Variants in TNRC6C observed in about 807,000 individuals in gnomAD.
The protein encoded by TNRC6C is trinucleotide repeat containing adaptor 6C.
A neutral mutation model predicts 153.7 loss-of-function variants in TNRC6C; 20 were observed. The observed-to-expected ratio is 0.13, with a 90% CI of 0.09 to 0.19. The LOEUF is 0.19. TNRC6C is among the 10% of genes least tolerant of loss of function. TNRC6C has a pLI of 1.00. For synonymous variants in TNRC6C, 811 were observed against 841.4 expected, an observed-to-expected ratio of 0.96 and a Z score of 0.63; for missense variants, 1,987 against 2,172.0, an observed-to-expected ratio of 0.91 and a Z score of 1.69.
At chr17:78,105,965 A>G (rs1175804362) in exon 20 of TNRC6C, 1 of 151,900 alleles carries the variant, frequency 6.6e-6, no homozygotes, top group African/African-American at 2.4e-5. Context: ...ATGTATACCT[A>G]CCTTTAGCAG....
chr17:77,995,579 C>T (rs2071315582), intron 1 of TNRC6C, among the ~76,000 whole-genome samples: 1 of 152,148 alleles, frequency 6.6e-6, no homozygotes, highest in Non-Finnish European at 1.5e-5. Flanking sequence ...AATACATATT[C>T]CTAAGATTTC....
Position 78,010,173 on chromosome 17 carries a change from C to T in TNRC6C, c.-546+5094C>T, listed in dbSNP as rs529272664. ...TACAGGCTTGAGCCACCAGCTCAGCCCAAATTCGTACATTTAATTAGTATC... is the reference window on the plus strand; with the variant it reads ...TACAGGCTTGAGCCACCAGCTCAGCTCAAATTCGTACATTTAATTAGTATC... On this transcript the variant is annotated intron_variant, in intron 1 of 19. Coordinates refer to ENST00000301624, the Ensembl canonical transcript of TNRC6C. Among the ~76,000 whole-genome samples the T allele has an allele frequency of 5.3e-5, 8 of 152,316 alleles. No individual in the cohort carries two copies. In the East Asian group the frequency reaches 1.5e-3, roughly 29 times the overall value.
At chr17:78,080,804 C>T (rs2073166798) in intron 10 of TNRC6C, among the ~76,000 whole-genome samples, 1 of 152,122 alleles carries the variant, frequency 6.6e-6, no homozygotes, top group Admixed American at 6.5e-5. Context: ...GAAAAAACTG[C>T]TTTCTTCCCC....
chr17:78,081,643 A>T (rs2073182450), intron 10 of TNRC6C, among the ~76,000 whole-genome samples: 1 of 152,164 alleles, frequency 6.6e-6, no homozygotes, highest in Non-Finnish European at 1.5e-5. Context: ...ACTTCCCAGG[A>T]ACAGGGGAAA....
chr17:78,067,273 G>C (rs2072900359), intron 4 of TNRC6C, among the ~76,000 whole-genome samples: 1 of 152,156 alleles, frequency 6.6e-6, no homozygotes, highest in South Asian at 2.1e-4. Flanking sequence ...TTGAGCCCAG[G>C]AGTTTGAGGT....
chr17:77,969,529 C>T (rs1032574820), intron 1 of TNRC6C, among the ~76,000 whole-genome samples: 2 of 152,224 alleles, frequency 1.3e-5, no homozygotes, highest in East Asian at 1.9e-4. Flanking sequence ...GGATTACAGG[C>T]GTGAGTCACC....
At chr17:78,091,351 A>G in intron 13 of TNRC6C, 89 bp from the exon 16 acceptor site, 1 of 1,348,722 alleles carries the variant, frequency 7.4e-7, no homozygotes, top group Non-Finnish European at 9.6e-7. Context: ...ATTTGCTGTA[A>G]GCGAAGACTG....
At chr17:77,957,678 C>A (rs925267607), upstream of TNRC6C, among the ~76,000 whole-genome samples, 4 of 152,232 alleles carry the variant, frequency 2.6e-5, no homozygotes, top group African/African-American at 9.6e-5. Context: ...CCTGCTTCTG[C>A]GACCTTGCAT....
chr17:78,049,771 A>G lies in TNRC6C; in HGVS notation c.709A>G (p.Ser237Gly). The G allele has an allele frequency of 6.3e-7, 1 of 1,590,910 alleles. No individual in the cohort carries two copies. The highest frequency in any genetic ancestry group is 8.6e-7 in the Non-Finnish European group (1 of 1,166,676). ...TAATGGATCATCAGTTTCTCAAGTC[A>G]GTGGGGGCAGTGCTGAAGGAATAAG... The change falls in exon 3 of 20, where the codon AGT becomes GGT. Residue 237 changes from serine to glycine, a missense_variant. Physicochemically the swap from Ser to Gly is moderately conservative, Grantham distance 56. Around this residue, in one of 4 missense-constraint regions of TNRC6C, gnomAD observed 1,052 missense variants for 1,017.0 expected, o/e 1.03. Transcript: ENST00000301624. This position sits in a 1 kb window ranked among gnomAD's most constrained non-coding sequence, Gnocchi z 4.1.
intron 1 of TNRC6C, among the ~76,000 whole-genome samples, chr17:77,959,659 T>G (rs554894218): frequency 2.0e-5 from 3 of 152,054 alleles, no homozygotes; most frequent in Admixed American, 2.0e-4. Flanking sequence ...AGGAGCCCGG[T>G]GCCGTTGTTT....
At chr17:78,105,787 T>G (rs1015083772) in exon 20 of TNRC6C, 1 of 152,216 alleles carries the variant, frequency 6.6e-6, no homozygotes, top group Non-Finnish European at 1.5e-5. Context: ...ACGGTTGTTA[T>G]TATTAGCTTC....
At chr17:78,087,762 A>G (rs776164413) in intron 13 of TNRC6C, among the ~76,000 whole-genome samples, 16 of 152,180 alleles carry the variant, frequency 1.1e-4, no homozygotes, top group Non-Finnish European at 2.2e-4. Flanking sequence ...CCAAATCAAC[A>G]TATATATGTT....
chr17:78,049,896 T>G lies in TNRC6C; in HGVS notation c.834T>G (p.Ser278Arg). ...GAGACACTGTGAACTCAGCATTAAG[T>G]GCTAAACAAAATGGATCCAGCAGTG... The change falls in exon 3 of 20, where the codon AGT becomes AGG. Residue 278 changes from serine to arginine, a missense_variant. Ser to Arg is a moderately radical substitution (Grantham distance 110). This residue lies in a region of TNRC6C where 1,052 missense variants were observed against 1,017.0 expected (regional missense o/e 1.03). Coordinates refer to ENST00000301624, the Ensembl canonical transcript of TNRC6C. The surrounding 1 kb of genome is among the most constrained non-coding windows in gnomAD (Gnocchi z 4.1). 2 of 1,614,008 alleles carry G rather than the reference T, an allele frequency of 1.2e-6. No homozygotes were observed. The highest frequency in any genetic ancestry group is 1.7e-6 in the Non-Finnish European group (2 of 1,179,884).
chr17:78,032,039 A>C lies in TNRC6C; in HGVS notation c.-219+197A>C, dbSNP rs535979820. Among the ~76,000 whole-genome samples, 88 of 152,310 alleles carry C rather than the reference A, an allele frequency of 5.8e-4. No homozygotes were observed. In the South Asian group the frequency reaches 0.016, roughly 28 times the overall value. On this transcript the variant is annotated intron_variant, in intron 2 of 19. Coordinates refer to ENST00000301624, the Ensembl canonical transcript of TNRC6C. ...CTATTTATTTACATTATTGGTCATG[A>C]GTTTGCAGATGGCATGAGCTACTTC... is the stretch of plus-strand genomic sequence containing the variant.
At position 78,011,808 on chromosome 17, in the gene TNRC6C, C is replaced by T. The variant is rs145154254; in HGVS notation, c.-546+6729C>T. Reference sequence around the variant, plus strand: ...CTGTTTCACAGTTCTGCATCTTCACCAATGTGTGGTATGGTCATCTTCATA... The same window carrying T: ...CTGTTTCACAGTTCTGCATCTTCACTAATGTGTGGTATGGTCATCTTCATA... On this transcript the variant is annotated intron_variant, in intron 1 of 19. Transcript: ENST00000301624. Among the ~76,000 whole-genome samples the T allele has an allele frequency of 1.7e-3, 255 of 152,318 alleles. 1 individual carries two copies. Among genetic ancestry groups the T allele is most frequent in the African/African-American group, 5.6e-3 (234 of 41,564 alleles).
chr17:78,093,501 C>CT, intron 15 of TNRC6C, 119 bp from the exon 18 acceptor site: 1 of 1,266,696 alleles, frequency 7.9e-7, no homozygotes, highest in Admixed American at 2.3e-5. Context: ...AGGTGTACCT[C>CT]TAATTTAATT....
intron 1 of TNRC6C, among the ~76,000 whole-genome samples, chr17:78,023,923 G>A (rs1340946325): frequency 5.9e-5 from 9 of 151,892 alleles, no homozygotes; most frequent in Non-Finnish European, 1.2e-4. Context: ...CAGCCTGGCC[G>A]ACATGGTGAA....
chr17:78,094,950 T>C (rs2144590111), intron 16 of TNRC6C, among the ~76,000 whole-genome samples: 1 of 152,196 alleles, frequency 6.6e-6, no homozygotes, highest in South Asian at 2.1e-4. Flanking sequence ...AAAGGAGCCG[T>C]GTAAGATGGC....
At chr17:78,092,726 G>T (rs1248331322) in intron 14 of TNRC6C, among the ~76,000 whole-genome samples, 1 of 152,010 alleles carries the variant, frequency 6.6e-6, no homozygotes, top group African/African-American at 2.4e-5. Flanking sequence ...AGAGTGAGAA[G>T]TTGTCTCAAA....
Sources: gnomAD v4.1 joint callset for allele counts (sites outside exome capture counted in the v4.1 genomes callset) on GRCh38, gnomAD v4.1.1 for gene constraint, gnomAD v4.1.1 regional missense constraint, Gnocchi (gnomAD v3.1) non-coding constraint, MANE v1.5 for transcripts, NCBI Gene and HGNC (gene_info 2026-07-23, HGNC 2026-07-21) for gene names.